ZNF516: variants seen among roughly 807,000 people sequenced by gnomAD.
ZNF516 encodes the protein zinc finger protein 516.
In ZNF516, 19 loss-of-function variants were observed where a neutral mutation model predicts 79.7. That is an observed-to-expected ratio of 0.24 (90% CI 0.17 to 0.35). The LOEUF (loss-of-function observed/expected upper bound fraction) is 0.35, where lower values mean the gene tolerates loss of function less well. Ranked by LOEUF, ZNF516 falls within the 10% of genes least tolerant of loss-of-function variation. The pLI is 1.00. For synonymous variants in ZNF516, 877 were observed against 739.5 expected (o/e 1.19, Z -3.02); for missense variants, 1,678 against 1,679.5 (o/e 1.00, Z 0.02).
intron 1 of ZNF516, among the ~76,000 whole-genome samples, chr18:76,488,940 T>TA (rs1407208707): frequency 6.6e-6 from 1 of 152,130 alleles, no homozygotes; most frequent in Non-Finnish European, 1.5e-5. Context: ...TAAATCAAAA[T>TA]AGAGTAAAAA....
intron 3 of ZNF516, among the ~76,000 whole-genome samples, chr18:76,419,269 A>C (rs751884013): frequency 1.1e-4 from 17 of 152,246 alleles, no homozygotes; most frequent in Non-Finnish European, 2.1e-4. Context: ...AGTATCTTCC[A>C]GATGTGTTAG....
chr18:76,417,308 C>T (rs1363228814), intron 3 of ZNF516, among the ~76,000 whole-genome samples: 2 of 152,152 alleles, frequency 1.3e-5, no homozygotes, highest in East Asian at 3.8e-4. Flanking sequence ...CCGGCTCTTT[C>T]AACATTTTAT....
chr18:76,433,847 A>G (rs1219042447), intron 3 of ZNF516, among the ~76,000 whole-genome samples: 1 of 152,198 alleles, frequency 6.6e-6, no homozygotes, highest in Admixed American at 6.5e-5. Flanking sequence ...CGGAATGACT[A>G]GAATCTCCCA....
rs186611051 is a variant in ZNF516, at chr18:76,479,737, A to G, written c.-272+15407T>C. ...ACCAATACAGGGGCCCTCTGTTGCA[A>G]GAGTGTGCAGAGGGGCAGACATTGG... On this transcript the variant is annotated intron_variant, in intron 1 of 6. Coordinates refer to ENST00000443185, the MANE Select transcript of ZNF516 (RefSeq NM_014643.4). 4.9e-4 allele frequency among the ~76,000 whole-genome samples: 74 copies of G among 152,366 alleles called. 1 individual carries two copies. The highest frequency in any genetic ancestry group is 4.4e-5 in the Non-Finnish European group (3 of 68,024).
At chr18:76,464,157 G>C (rs983996384) in intron 1 of ZNF516, among the ~76,000 whole-genome samples, 1 of 151,852 alleles carries the variant, frequency 6.6e-6, no homozygotes, top group African/African-American at 2.4e-5. Flanking sequence ...AACCCCGTCT[G>C]TACTAAAAAT....
intron 4 of ZNF516, among the ~76,000 whole-genome samples, chr18:76,376,504 T>C (rs2074788213): frequency 6.9e-6 from 1 of 145,092 alleles, no homozygotes; most frequent in Non-Finnish European, 1.5e-5. Context: ...TTTTCACATA[T>C]GAAAGATAAA....
intron 3 of ZNF516, among the ~76,000 whole-genome samples, chr18:76,417,052 C>A (rs1568273828): frequency 6.6e-6 from 1 of 152,172 alleles, no homozygotes. Flanking sequence ...GAGAAATAAA[C>A]AGATTTTCAC....
At chr18:76,428,757 T>C (rs928171899) in intron 3 of ZNF516, among the ~76,000 whole-genome samples, 3 of 152,144 alleles carry the variant, frequency 2.0e-5, no homozygotes, top group African/African-American at 7.2e-5. Context: ...CAGGAAGAGG[T>C]GAGGCCGGTA....
intron 2 of ZNF516, among the ~76,000 whole-genome samples, chr18:76,458,696 G>A (rs1485036561): frequency 6.8e-6 from 1 of 147,534 alleles, no homozygotes; most frequent in Admixed American, 6.7e-5. Flanking sequence ...TCACCGTCGT[G>A]TGTGCGTGCC....
intron 3 of ZNF516, among the ~76,000 whole-genome samples, chr18:76,409,028 T>A (rs2075338453): frequency 6.6e-6 from 1 of 151,776 alleles, no homozygotes; most frequent in Non-Finnish European, 1.5e-5. Context: ...ATAAAAAAAA[T>A]CATAAAAGTT....
chr18:76,359,427 A>T lies in ZNF516; in HGVS notation c.*3071T>A, dbSNP rs1373474152. On this transcript the variant is annotated 3_prime_UTR_variant, in exon 7 of 7. Coordinates refer to ENST00000443185, the MANE Select transcript of ZNF516 (RefSeq NM_014643.4). Reference sequence around the variant, plus strand: ...GCCAATTTCCCAGAGAAGATCCTCAATATCTGACTTTTGAGAGAATTTAAA... The same window carrying T: ...GCCAATTTCCCAGAGAAGATCCTCATTATCTGACTTTTGAGAGAATTTAAA... 6.6e-6 allele frequency: 1 copy of T among 152,206 alleles called. No individual in the cohort carries two copies. Among genetic ancestry groups the T allele is most frequent in the Non-Finnish European group, 1.5e-5 (1 of 68,038 alleles). The allele number at this position is 152,206 out of a possible 1,614,324, so 9.4% of individuals were successfully genotyped here. A position where few individuals can be genotyped will look rare whatever the true frequency, so the allele number is the denominator to read the frequency against.
At chr18:76,478,291 C>T (rs1221068837) in intron 1 of ZNF516, among the ~76,000 whole-genome samples, 1 of 152,138 alleles carries the variant, frequency 6.6e-6, no homozygotes, top group Non-Finnish European at 1.5e-5. Context: ...TCTACCAGTA[C>T]AATAATGATG....
At position 76,379,870 on chromosome 18, in the gene ZNF516, C is replaced by G. The variant is rs1037921099; in HGVS notation, c.2244G>C (p.Glu748Asp). Reference protein sequence around the residue: ...RSTRDDPSNKETASSLQAALV... With the variant: ...RSTRDDPSNKDTASSLQAALV... ...AAGCCGCCTGCAGGGAGGAGGCCGT[C>G]TCCTTATTGCTGGGGTCATCCCGCG... The change falls in exon 4 of 7, where the codon GAG becomes GAC. Residue 748 changes from glutamate to aspartate, a missense_variant. By Grantham distance (45) the Glu-to-Asp change is conservative. Coordinates refer to ENST00000443185, the MANE Select transcript of ZNF516 (RefSeq NM_014643.4). 6.2e-7 allele frequency: 1 copy of G among 1,613,932 alleles called. No homozygotes were observed. Among genetic ancestry groups the G allele is most frequent in the Non-Finnish European group, 8.5e-7 (1 of 1,179,882 alleles).
intron 3 of ZNF516, among the ~76,000 whole-genome samples, chr18:76,405,467 A>C (rs1398494690): frequency 1.3e-5 from 2 of 152,190 alleles, no homozygotes; most frequent in Admixed American, 6.5e-5. Flanking sequence ...TCCGCAGTGC[A>C]TCAGCATGAA....
intron 3 of ZNF516, among the ~76,000 whole-genome samples, chr18:76,440,773 C>CGT (rs1227824548): frequency 1.5e-4 from 22 of 144,750 alleles, no homozygotes; most frequent in Admixed American, 4.8e-4. Context: ...CGCGCACGCG[C>CGT]GCATGCATCG....
chr18:76,406,068 C>T (rs1488595968), intron 3 of ZNF516, among the ~76,000 whole-genome samples: 1 of 152,206 alleles, frequency 6.6e-6, no homozygotes, highest in African/African-American at 2.4e-5. Context: ...ACAGCGCACG[C>T]AGGTGAGGGG....
intron 3 of ZNF516, among the ~76,000 whole-genome samples, chr18:76,428,108 C>G (rs566803908): frequency 6.6e-6 from 1 of 151,978 alleles, no homozygotes; most frequent in Non-Finnish European, 1.5e-5. Context: ...CATCATGGTC[C>G]GGGCGCAGTG....
chr18:76,441,864 C>G lies in ZNF516; in HGVS notation c.1191G>C (p.Ser397=). The part of the protein sequence containing the change: ...LNLRPSAAGD[S]CPGTQAGRRV... The stretch of plus-strand genomic sequence containing the variant: ...GCCGTCCGGCCTGCGTGCCAGGGCA[C>G]GAGTCGCCGGCCGCCGACGGCCTCA... Residue 397 remains serine, a synonymous_variant, in exon 3 of 7, where the codon TCG becomes TCC. Coordinates refer to ENST00000443185, the MANE Select transcript of ZNF516 (RefSeq NM_014643.4). The G allele has an allele frequency of 1.3e-6, 2 of 1,580,876 alleles. No individual in the cohort carries two copies. The highest frequency in any genetic ancestry group is 1.7e-6 in the Non-Finnish European group (2 of 1,170,038).
chr18:76,374,627 T>C (rs2074757893), intron 4 of ZNF516, among the ~76,000 whole-genome samples: 1 of 152,240 alleles, frequency 6.6e-6, no homozygotes, highest in Admixed American at 6.5e-5. Context: ...ACATGTCCAC[T>C]GCAAAATCAC....
Sources: gnomAD v4.1 joint callset for allele counts (sites outside exome capture counted in the v4.1 genomes callset) on GRCh38, gnomAD v4.1.1 for gene constraint, MANE v1.5 for transcripts, NCBI Gene and HGNC (gene_info 2026-07-23, HGNC 2026-07-21) for gene names.